The following IFT81 variants were observed in gnomAD, a reference collection of about 807,000 sequenced individuals.
IFT81 encodes the protein intraflagellar transport 81.
Under a neutral mutation model 102.6 loss-of-function variants are expected in IFT81, and 72 were observed. That is an observed-to-expected ratio of 0.70 (90% CI 0.58 to 0.85). IFT81 has a LOEUF of 0.85. Among genes scored for constraint, IFT81 ranks in the 40% least tolerant of loss-of-function variants. The pLI, the probability that IFT81 is intolerant of heterozygous loss-of-function variation, is 0.00. For synonymous variants in IFT81, 237 were observed against 242.7 expected (o/e 0.98, Z 0.22); for missense variants, 723 against 787.3 (o/e 0.92, Z 0.98).
rs112422352 is a variant in IFT81, at chr12:110,182,871, C to T, written c.1338+2300C>T. On this transcript the variant is annotated intron_variant, in intron 12 of 18. Transcript: ENST00000242591. ...AAGTGGATCACTGGGGATCATGGTT[C>T]GTGGTGACACCTATACTTTCATCTC... Among the ~76,000 whole-genome samples the T allele has an allele frequency of 1.9e-3, 293 of 152,242 alleles. 1 individual carries two copies. Among genetic ancestry groups the T allele is most frequent in the African/African-American group, 6.7e-3 (277 of 41,530 alleles).
intron 11 of IFT81, among the ~76,000 whole-genome samples, chr12:110,179,773 T>TATAC (rs774113734): frequency 1.2e-3 from 60 of 50,302 alleles, no homozygotes; most frequent in Non-Finnish European, 2.0e-3. Flanking sequence ...TATATATATA[T>TATAC]ACACACACAC....
intron 9 of IFT81, among the ~76,000 whole-genome samples, chr12:110,146,570 T>C (rs976899189): frequency 8.5e-5 from 13 of 152,216 alleles, no homozygotes; most frequent in Non-Finnish European, 1.9e-4. Flanking sequence ...AATCAAACTG[T>C]GTAATTATAT....
chr12:110,157,220 G>T (rs967540212), intron 10 of IFT81, among the ~76,000 whole-genome samples: 2 of 151,928 alleles, frequency 1.3e-5, no homozygotes, highest in African/African-American at 4.8e-5. Context: ...GTGGTGGCGT[G>T]TGCCTGTAGT....
intron 11 of IFT81, among the ~76,000 whole-genome samples, chr12:110,174,024 T>TC (rs1489681094): frequency 1.3e-5 from 2 of 151,324 alleles, no homozygotes; most frequent in Non-Finnish European, 2.9e-5. Flanking sequence ...ACGCCTGTAA[T>TC]CCCAGCACTT....
Position 110,196,505 on chromosome 12 carries a change from G to A in IFT81, c.1557+3799G>A, listed in dbSNP as rs550925357. 1.1e-4 allele frequency among the ~76,000 whole-genome samples: 17 copies of A among 152,318 alleles called. No homozygotes were observed. In the South Asian group the frequency reaches 2.5e-3, roughly 22 times the overall value. The stretch of plus-strand genomic sequence containing the variant: ...ACTGTGCTCCATCCTGGGTGACAGA[G>A]CGAGACTCCGTCTCAAAAAAAGAGA... On this transcript the variant is annotated intron_variant, in intron 14 of 18. Coordinates refer to ENST00000242591, the MANE Select transcript of IFT81 (RefSeq NM_014055.4).
chr12:110,193,116 T>C (rs1343893771), intron 14 of IFT81, among the ~76,000 whole-genome samples: 1 of 152,164 alleles, frequency 6.6e-6, no homozygotes, highest in African/African-American at 2.4e-5. Context: ...TGAGCCATGA[T>C]CATGCCACTG....
chr12:110,179,741 TATATATATATATATATATATA>T (rs1897214766), intron 11 of IFT81, among the ~76,000 whole-genome samples: 1 of 32,814 alleles, frequency 3.0e-5, no homozygotes, highest in Admixed American at 3.3e-4. Flanking sequence ...TATATATATA[TATATATATATATATATATATA>T]TATATATATA....
intron 11 of IFT81, among the ~76,000 whole-genome samples, chr12:110,166,801 C>T (rs1896458568): frequency 6.6e-6 from 1 of 151,252 alleles, no homozygotes; most frequent in South Asian, 2.1e-4. Context: ...AAGAGGACTA[C>T]ACTGTGAACA....
intron 11 of IFT81, among the ~76,000 whole-genome samples, chr12:110,166,027 G>C (rs563756074): frequency 6.6e-6 from 1 of 152,150 alleles, no homozygotes; most frequent in Non-Finnish European, 1.5e-5. Flanking sequence ...TGGTTTTGCC[G>C]TTTACCAGCT....
intron 4 of IFT81, among the ~76,000 whole-genome samples, chr12:110,131,942 T>C (rs1042814725): frequency 6.6e-6 from 1 of 152,154 alleles, no homozygotes; most frequent in Non-Finnish European, 1.5e-5. Flanking sequence ...ATGTATAAGC[T>C]GGACGTGAGA....
intron 8 of IFT81, among the ~76,000 whole-genome samples, chr12:110,141,309 A>T (rs1894875298): frequency 6.6e-6 from 1 of 152,136 alleles, no homozygotes; most frequent in African/African-American, 2.4e-5. Context: ...AAGTGCTGGG[A>T]TTACAGGTGT....
intron 10 of IFT81, among the ~76,000 whole-genome samples, chr12:110,147,750 C>T (rs1226407413): frequency 6.6e-6 from 1 of 152,180 alleles, no homozygotes; most frequent in Non-Finnish European, 1.5e-5. Flanking sequence ...CCCTGAGCTA[C>T]AGGGCTCATG....
intron 1 of IFT81, among the ~76,000 whole-genome samples, chr12:110,126,072 A>G (rs1202394219): frequency 6.6e-6 from 1 of 152,134 alleles, no homozygotes; most frequent in East Asian, 1.9e-4. Flanking sequence ...AGGTCAGGAG[A>G]TCCAGACCAT....
At chr12:110,142,145 G>A (rs1422558773) in intron 8 of IFT81, among the ~76,000 whole-genome samples, 1 of 152,062 alleles carries the variant, frequency 6.6e-6, no homozygotes, top group Non-Finnish European at 1.5e-5. Context: ...TTATGTGTAG[G>A]TAGATACTTT....
chr12:110,148,292 G>A (rs546950833), intron 10 of IFT81, among the ~76,000 whole-genome samples: 1 of 151,768 alleles, frequency 6.6e-6, no homozygotes, highest in African/African-American at 2.4e-5. Flanking sequence ...AGCTTGAACA[G>A]ATCTGGTTTG....
rs145185503 is a variant in IFT81, at chr12:110,179,005, G to A, written c.1189-1417G>A. 2.2e-3 allele frequency among the ~76,000 whole-genome samples: 339 copies of A among 151,896 alleles called. 1 individual carries two copies. Among genetic ancestry groups the A allele is most frequent in the Non-Finnish European group, 3.7e-3 (253 of 67,958 alleles). ...ATAATGGGGTCTTTCCATTAGAGTT[G>A]TAACTTTTTTCCATTATTAGTTATA... On this transcript the variant is annotated intron_variant, in intron 11 of 18. Transcript: ENST00000242591.
At chr12:110,158,577 T>C (rs1291111052) in intron 10 of IFT81, among the ~76,000 whole-genome samples, 1 of 151,512 alleles carries the variant, frequency 6.6e-6, no homozygotes, top group African/African-American at 2.4e-5. Context: ...ATTGTTTCTT[T>C]GTATGCTTTG....
At chr12:110,143,599 A>T in intron 9 of IFT81, 54 bp downstream of exon 9, 2 of 1,413,698 alleles carry the variant, frequency 1.4e-6, no homozygotes, top group South Asian at 2.8e-5. Flanking sequence ...CCCCAGTCCT[A>T]TAAAATTATG....
chr12:110,134,838 T>C (rs754936571), intron 5 of IFT81, 110 bp from the exon 6 acceptor site: 3 of 748,090 alleles, frequency 4.0e-6, no homozygotes, highest in Non-Finnish European at 6.6e-6. Flanking sequence ...TTGTTAATGC[T>C]GTGGTTATAA....
Sources: gnomAD v4.1 joint callset for allele counts (sites outside exome capture counted in the v4.1 genomes callset) on GRCh38, gnomAD v4.1.1 for gene constraint, MANE v1.5 for transcripts, NCBI Gene and HGNC (gene_info 2026-07-23, HGNC 2026-07-21) for gene names.